The following C2CD3 variants were observed in gnomAD, a reference collection of about 807,000 sequenced individuals.
The protein encoded by C2CD3 is C2 domain containing 3 centriole elongation regulator, also known as C2 domain-containing protein 3.
In C2CD3, 148 loss-of-function variants were observed where a neutral mutation model predicts 234.0. The observed-to-expected ratio is 0.63, with a 90% CI of 0.55 to 0.72. C2CD3 has a LOEUF of 0.72. Ranked by LOEUF, C2CD3 falls within the 30% of genes least tolerant of loss-of-function variation. C2CD3 has a pLI of 0.00. For missense variants in C2CD3, 2,577 were observed against 2,811.5 expected (o/e 0.92, Z 1.89); for synonymous variants, 1,000 against 1,035.4 (o/e 0.97, Z 0.66).
At position 74,132,861 on chromosome 11, in the gene C2CD3, T is replaced by TATA. The variant is rs1263269285; in HGVS notation, c.1197_1199dup (p.Ile400dup). ...GTGCTTACCTGCCTAATAGCAGCTGTATAGCTCTGGTATCAGCTTTTGTGT... is the reference window on the plus strand; with the variant it reads ...GTGCTTACCTGCCTAATAGCAGCTGTATAATAGCTCTGGTATCAGCTTTTGTGT... On this transcript the variant is annotated inframe_insertion, in exon 7 of 33. Coordinates refer to ENST00000334126, the MANE Select transcript of C2CD3 (RefSeq NM_001286577.2). 1.9e-5 allele frequency: 31 copies of TATA among 1,613,732 alleles called. 1 individual carries two copies. The Middle Eastern group carries it at 4.9e-4, about 26-fold the overall frequency.
At chr11:74,116,845 C>T (rs1439776544) in intron 9 of C2CD3, among the ~76,000 whole-genome samples, 1 of 134,882 alleles carries the variant, frequency 7.4e-6, no homozygotes, top group Non-Finnish European at 1.6e-5. Context: ...TATATATACA[C>T]GTGTATATGT....
At chr11:74,170,579 G>T (rs1857115625) in intron 1 of C2CD3, among the ~76,000 whole-genome samples, 159 bp downstream of exon 1, 1 of 151,928 alleles carries the variant, frequency 6.6e-6, no homozygotes, top group Admixed American at 6.6e-5. Flanking sequence ...TCTATTCTCT[G>T]GAGGGCCAAT....
chr11:74,116,020 T>G (rs1956915876), intron 9 of C2CD3, among the ~76,000 whole-genome samples: 1 of 152,100 alleles, frequency 6.6e-6, no homozygotes, highest in African/African-American at 2.4e-5. Flanking sequence ...ATCATAAAAA[T>G]TCTAGAAGAT....
chr11:74,156,243 C>CA (rs1333776112), intron 3 of C2CD3, among the ~76,000 whole-genome samples: 2 of 151,516 alleles, frequency 1.3e-5, no homozygotes, highest in Non-Finnish European at 2.9e-5. Flanking sequence ...CACTGCACTC[C>CA]AGCCTGGTGA....
chr11:74,103,122 C>A lies in C2CD3; in HGVS notation c.2580+9G>T. On this transcript the variant is annotated intron_variant, in intron 14 of 32. Transcript: ENST00000334126. ...ATTCCTCTAATGGATATGGAATGTA[C>A]AAAGTTACCTGAGAAAAGTTAAAGA... The A allele has an allele frequency of 6.2e-7, 1 of 1,604,026 alleles. No individual in the cohort carries two copies. The highest frequency in any genetic ancestry group is 8.5e-7 in the Non-Finnish European group (1 of 1,173,938).
intron 14 of C2CD3, among the ~76,000 whole-genome samples, chr11:74,101,182 T>G (rs1956301988): frequency 6.6e-6 from 1 of 152,216 alleles, no homozygotes; most frequent in South Asian, 2.1e-4. Context: ...CAAAGCCAAC[T>G]GCTCCTCTGG....
At position 74,077,375 on chromosome 11, in the gene C2CD3, T is replaced by C. The variant is rs140321420; in HGVS notation, c.4603+740A>G. Among the ~76,000 whole-genome samples, 1,222 of 152,222 alleles carry C rather than the reference T, an allele frequency of 8.0e-3. 8 individuals are homozygous for C. Among genetic ancestry groups the C allele is most frequent in the Non-Finnish European group, 0.013 (869 of 68,014 alleles). ...GCTACGAAGTTCAGAGCCAATTCTT[T>C]GACCTATGTTGACCTCACCACAGTA... On this transcript the variant is annotated intron_variant, in intron 23 of 32. Transcript: ENST00000334126.
intron 6 of C2CD3, 144 bp from the exon 7 acceptor site, chr11:74,133,116 T>A: frequency 1.3e-6 from 1 of 770,022 alleles, no homozygotes; most frequent in South Asian, 1.8e-5. Flanking sequence ...ACTTTACACT[T>A]TGCAAAGCTC....
chr11:74,139,635 GCTAA>G lies in C2CD3; in HGVS notation c.673_676del (p.Leu225GlnfsTer25). On this transcript the variant is annotated frameshift_variant, in exon 4 of 33. Coordinates refer to ENST00000334126, the MANE Select transcript of C2CD3 (RefSeq NM_001286577.2). LOFTEE classifies it high-confidence loss of function. ...AGTGGTTGATCTACTGCTGTTGGCTGCTAACTCTTTTCCATCAATTTTGATGGTA... is the reference window on the plus strand; with the variant it reads ...AGTGGTTGATCTACTGCTGTTGGCTGCTCTTTTCCATCAATTTTGATGGTA... 6.2e-7 allele frequency: 1 copy of G among 1,613,812 alleles called. No individual in the cohort carries two copies. The highest frequency in any genetic ancestry group is 8.5e-7 in the Non-Finnish European group (1 of 1,179,706).
At chr11:74,085,057 T>G in intron 21 of C2CD3, 87 bp from the exon 22 acceptor site, 1 of 685,038 alleles carries the variant, frequency 1.5e-6, no homozygotes, top group Non-Finnish European at 2.6e-6. Flanking sequence ...ACCCTCCCCT[T>G]ATATGCACTA....
intron 11 of C2CD3, chr11:74,109,447 C>T (rs1956661503): frequency 3.7e-6 from 1 of 268,630 alleles, no homozygotes; most frequent in Admixed American, 5.3e-5. Context: ...TATCTATATA[C>T]TTCACTGGGT....
chr11:74,045,859 G>A (rs910637347), intron 28 of C2CD3, among the ~76,000 whole-genome samples: 1 of 152,122 alleles, frequency 6.6e-6, no homozygotes, highest in Non-Finnish European at 1.5e-5. Context: ...AGGCATGAGA[G>A]ACCACGCCCA....
chr11:74,049,469 G>A lies in C2CD3; in HGVS notation c.5229C>T (p.Gly1743=), dbSNP rs904052227. 1 of 1,613,384 alleles carries A rather than the reference G, an allele frequency of 6.2e-7. No individual in the cohort carries two copies. Among genetic ancestry groups the A allele is most frequent in the African/African-American group, 1.3e-5 (1 of 74,908 alleles). Residue 1743 remains glycine (G), a synonymous_variant, in exon 27 of 33, where the codon GGC becomes GGT. Transcript: ENST00000334126. ...PLLSGFQFVC[G]WYNITDFSGE... ...CACTGAAGTCTGTGATGTTGTACCAGCCACAGACAAACTGGAAGCCAGAGA... is the reference window on the plus strand; with the variant it reads ...CACTGAAGTCTGTGATGTTGTACCAACCACAGACAAACTGGAAGCCAGAGA...
At chr11:74,022,854 T>C (rs1036922451) in intron 32 of C2CD3, among the ~76,000 whole-genome samples, 1 of 152,246 alleles carries the variant, frequency 6.6e-6, no homozygotes, top group Non-Finnish European at 1.5e-5. Context: ...AAACCAGCCA[T>C]CGTTCTCACC....
intron 20 of C2CD3, 84 bp from the exon 21 acceptor site, chr11:74,085,970 T>G: frequency 7.5e-7 from 1 of 1,337,170 alleles, no homozygotes; most frequent in Admixed American, 2.6e-5. Context: ...ACTTCATTAC[T>G]TCTATGAGAC....
chr11:74,109,961 G>T (rs531116186), intron 11 of C2CD3, among the ~76,000 whole-genome samples: 1 of 150,198 alleles, frequency 6.7e-6, no homozygotes, highest in South Asian at 2.1e-4. Context: ...GACGCCTGTA[G>T]TCCCAGCTAC....
At chr11:74,075,270 G>A (rs770893667) in intron 23 of C2CD3, among the ~76,000 whole-genome samples, 2 of 151,052 alleles carry the variant, frequency 1.3e-5, no homozygotes, top group East Asian at 1.9e-4. Context: ...TCTCTTCCTC[G>A]TGTCTCATGG....
chr11:74,117,189 T>C (rs1182165845), intron 9 of C2CD3, among the ~76,000 whole-genome samples: 1 of 77,762 alleles, frequency 1.3e-5, no homozygotes, highest in Non-Finnish European at 2.1e-5. Context: ...TATATGAATA[T>C]ATATATATGA....
At position 74,084,894 on chromosome 11, in the gene C2CD3, C is replaced by G; in HGVS notation, c.3987G>C (p.Leu1329=). The change falls in exon 22 of 33, where the codon CTG becomes CTC. Residue 1329 remains leucine, a synonymous_variant. Coordinates refer to ENST00000334126, the MANE Select transcript of C2CD3 (RefSeq NM_001286577.2). ...GVVKVPTKEL[L]IKRSGITGWY... is the part of the protein sequence containing the mutation. ...CAGGATCCTTACCAGATCTCTTGAT[C>G]AGCAGCTCTTTTGTTGGAACTTTTA... is the stretch of plus-strand genomic sequence containing the variant. The G allele has an allele frequency of 3.1e-6, 5 of 1,604,530 alleles. 1 individual carries two copies. In the South Asian group the frequency reaches 4.4e-5, roughly 14 times the overall value.
Sources: gnomAD v4.1 joint callset for allele counts (sites outside exome capture counted in the v4.1 genomes callset) on GRCh38, gnomAD v4.1.1 for gene constraint, MANE v1.5 for transcripts, NCBI Gene and HGNC (gene_info 2026-07-23, HGNC 2026-07-21) for gene names.